Variants in RGS5 observed in about 807,000 individuals in gnomAD.
The protein encoded by RGS5 is regulator of G-protein signalling 5.
RGS5 carries 20 observed loss-of-function variants against 18.9 expected under a neutral mutation model. That is an observed-to-expected ratio of 1.06 (90% CI 0.74 to 1.54). The LOEUF is 1.54. Ranked by LOEUF, RGS5 falls within the 40% of genes most tolerant of loss-of-function variation. The pLI is 0.00. For missense variants in RGS5, 201 were observed against 211.8 expected (o/e 0.95, Z 0.32); for synonymous variants, 57 against 76.2 (o/e 0.75, Z 1.31).
intron 2 of RGS5, among the ~76,000 whole-genome samples, chr1:163,301,618 A>T (rs1468335678): frequency 6.6e-6 from 1 of 152,162 alleles, no homozygotes; most frequent in African/African-American, 2.4e-5. Flanking sequence ...AAGGCGTGAG[A>T]CACCACGCCA....
rs1247426176 is a variant in RGS5 at position 163,143,949 on chromosome 1, C to T, written c.*3393G>A. ...CCATCCTATTGAAATGGCTTGTGTA[C>T]AGAGCACACATCAACCAAATAAAAT... is the stretch of plus-strand genomic sequence containing the variant. On this transcript the variant is annotated 3_prime_UTR_variant, in exon 5 of 5. Transcript: ENST00000313961. 6.6e-6 allele frequency: 1 copy of T among 151,852 alleles called. No individual in the cohort carries two copies. The highest frequency in any genetic ancestry group is 1.5e-5 in the Non-Finnish European group (1 of 67,978). 9.4% of individuals were successfully genotyped at this position (151,852 alleles called of 1,614,324 possible).
At chr1:163,271,990 T>C (rs949634068) in intron 2 of RGS5, among the ~76,000 whole-genome samples, 7 of 151,890 alleles carry the variant, frequency 4.6e-5, no homozygotes, top group Non-Finnish European at 1.0e-4. Flanking sequence ...TTTCCTACCT[T>C]CCTTCCCTTC....
chr1:163,195,680 T>A (rs1659535167), intron 1 of RGS5, among the ~76,000 whole-genome samples: 2 of 151,968 alleles, frequency 1.3e-5, no homozygotes, highest in East Asian at 1.9e-4. Context: ...TATTTTTTTT[T>A]AAAAGATGAG....
intron 2 of RGS5, among the ~76,000 whole-genome samples, chr1:163,303,536 C>T (rs749613627): frequency 2.6e-5 from 4 of 152,200 alleles, no homozygotes; most frequent in Non-Finnish European, 4.4e-5. Context: ...ATCATCAAAA[C>T]GTCAGAGAGC....
chr1:163,236,598 T>C (rs567172868), intron 2 of RGS5, among the ~76,000 whole-genome samples: 1 of 152,142 alleles, frequency 6.6e-6, no homozygotes, highest in East Asian at 1.9e-4. Flanking sequence ...ATAGAAGATA[T>C]AAATACCGCC....
chr1:163,185,778 T>C lies in RGS5; in HGVS notation c.44+17014A>G, dbSNP rs536906852. Among the ~76,000 whole-genome samples, 3 of 152,364 alleles carry C rather than the reference T, an allele frequency of 2.0e-5. No homozygotes were observed. The South Asian group carries it at 6.2e-4, about 32-fold the overall frequency. ...TTTCTCAGTTAACTGCATGGTTCAC[T>C]CAACACATGCAATGCATAAACTTAT... On this transcript the variant is annotated intron_variant, in intron 1 of 4. Coordinates refer to ENST00000313961, the MANE Select transcript of RGS5 (RefSeq NM_003617.4).
At chr1:163,207,895 A>T (rs560706720), upstream of RGS5, among the ~76,000 whole-genome samples, 12 of 152,180 alleles carry the variant, frequency 7.9e-5, no homozygotes, top group South Asian at 1.0e-3. Flanking sequence ...ATCTTCCTAC[A>T]TACCAAAAAA....
chr1:163,164,385 T>C (rs1571225275), intron 2 of RGS5, among the ~76,000 whole-genome samples: 3 of 152,316 alleles, frequency 2.0e-5, no homozygotes, highest in Admixed American at 6.5e-5. Flanking sequence ...TAAACATTTA[T>C]AGAGATGATT....
upstream of RGS5, among the ~76,000 whole-genome samples, chr1:163,205,731 G>A (rs1659940077): frequency 6.6e-6 from 1 of 152,184 alleles, no homozygotes. Context: ...GCAAGTGGAA[G>A]CAGTGAGAGA....
At chr1:163,185,843 G>T (rs1450849448) in intron 1 of RGS5, among the ~76,000 whole-genome samples, 1 of 152,162 alleles carries the variant, frequency 6.6e-6, no homozygotes, top group Non-Finnish European at 1.5e-5. Flanking sequence ...GTATTACTGT[G>T]ACCCCGTGAC....
chr1:163,234,869 T>C lies in RGS5; in HGVS notation c.-280-66501A>G, dbSNP rs1163441967. 4.6e-5 allele frequency among the ~76,000 whole-genome samples: 7 copies of C among 152,358 alleles called. No individual in the cohort carries two copies. In the East Asian group the frequency reaches 9.6e-4, roughly 21 times the overall value. On this transcript the variant is annotated intron_variant, in intron 2 of 5. Coordinates refer to the RGS5 transcript ENST00000618415. ...AAGTCTGTCAATTGGCTCTGGCTAA[T>C]GGCTCAGCCTTTTTCTCCATGTTTT...
intron 4 of RGS5, among the ~76,000 whole-genome samples, chr1:163,147,710 C>A (rs975722972): frequency 1.1e-4 from 16 of 152,248 alleles, no homozygotes; most frequent in African/African-American, 3.9e-4. Flanking sequence ...TAGACACCCA[C>A]CAGGTGTCAG....
chr1:163,175,884 T>C (rs1571242709), intron 1 of RGS5, among the ~76,000 whole-genome samples: 1 of 152,152 alleles, frequency 6.6e-6, no homozygotes, highest in African/African-American at 2.4e-5. Flanking sequence ...TGCTAAGGAA[T>C]ATATAGTAGT....
chr1:163,157,059 A>G (rs1657610975), intron 3 of RGS5, among the ~76,000 whole-genome samples: 1 of 152,180 alleles, frequency 6.6e-6, no homozygotes, highest in Non-Finnish European at 1.5e-5. Flanking sequence ...AGATAGAAAC[A>G]AAAAGATGTG....
chr1:163,245,164 T>G (rs764679496), intron 2 of RGS5: 3 of 152,226 alleles, frequency 2.0e-5, no homozygotes, highest in Non-Finnish European at 2.9e-5. Context: ...TTTAAAATTC[T>G]TTCTTTTGTG....
intron 1 of RGS5, among the ~76,000 whole-genome samples, chr1:163,180,974 G>T (rs943792974): frequency 6.6e-6 from 1 of 152,030 alleles, no homozygotes; most frequent in Admixed American, 6.5e-5. Flanking sequence ...TATTACAGGC[G>T]TGAGCCACCG....
upstream of RGS5, among the ~76,000 whole-genome samples, chr1:163,205,932 C>T (rs1188010606): frequency 2.0e-5 from 3 of 152,146 alleles, no homozygotes; most frequent in African/African-American, 2.4e-5. Context: ...GGTGAACAGA[C>T]GTCTATTCAC....
At chr1:163,158,314 A>G (rs1040015985) in intron 3 of RGS5, among the ~76,000 whole-genome samples, 3 of 152,182 alleles carry the variant, frequency 2.0e-5, no homozygotes, top group African/African-American at 7.2e-5. Context: ...GTGGCAAGAG[A>G]GACACAGAGA....
intron 1 of RGS5, among the ~76,000 whole-genome samples, chr1:163,208,242 G>C (rs1390988686): frequency 7.8e-6 from 1 of 128,466 alleles, no homozygotes; most frequent in African/African-American, 3.1e-5. Flanking sequence ...CAGCTACTCC[G>C]GAGGCTGAGG....
Sources: gnomAD v4.1 joint callset for allele counts (sites outside exome capture counted in the v4.1 genomes callset) on GRCh38, gnomAD v4.1.1 for gene constraint, MANE v1.5 for transcripts, NCBI Gene and HGNC (gene_info 2026-07-23, HGNC 2026-07-21) for gene names.